The following TRIP4 variants were observed in gnomAD, a reference collection of about 807,000 sequenced individuals.
TRIP4 encodes activating signal cointegrator 1.
A neutral mutation model predicts 81.8 loss-of-function variants in TRIP4; 54 were observed. The ratio of observed to expected loss-of-function variants is 0.66; its 90% CI spans 0.53 to 0.83. The LOEUF (loss-of-function observed/expected upper bound fraction) is 0.83, where lower values mean the gene tolerates loss of function less well. Ranked by LOEUF, TRIP4 falls within the 40% of genes least tolerant of loss-of-function variation. The probability of loss-of-function intolerance (pLI) is 0.00; values close to 1 mark genes in which losing one functional copy is unlikely to be tolerated. For synonymous variants in TRIP4, 270 were observed against 242.8 expected (o/e 1.11, Z -1.04); for missense variants, 662 against 683.6 (o/e 0.97, Z 0.35).
intron 9 of TRIP4, among the ~76,000 whole-genome samples, chr15:64,419,240 C>T (rs1891953584): frequency 6.6e-6 from 1 of 152,158 alleles, no homozygotes; most frequent in South Asian, 2.1e-4. Context: ...AAATGCTTTT[C>T]TACAAAAGTA....
intron 4 of TRIP4, among the ~76,000 whole-genome samples, chr15:64,398,599 G>A (rs1900364404): frequency 1.3e-5 from 2 of 152,016 alleles, no homozygotes; most frequent in Admixed American, 6.6e-5. Context: ...AGAACCCCAG[G>A]TTATATCCTA....
intron 8 of TRIP4, among the ~76,000 whole-genome samples, chr15:64,416,691 T>C (rs541317285): frequency 6.6e-6 from 1 of 152,344 alleles, no homozygotes; most frequent in South Asian, 2.1e-4. Context: ...TGAATAGTTA[T>C]TTATGTGTCT....
chr15:64,409,693 G>A lies in TRIP4; in HGVS notation c.908G>A (p.Arg303Gln), dbSNP rs748995821. 4.5e-5 allele frequency: 73 copies of A among 1,614,010 alleles called. No individual in the cohort carries two copies. The highest frequency in any genetic ancestry group is 1.8e-4 in the Admixed American group (11 of 59,988). The change falls in exon 7 of 13, where the codon CGG becomes CAG. Residue 303 changes from arginine (R) to glutamine (Q), a missense_variant. By Grantham distance (43) the Arg-to-Gln change is conservative. Transcript: ENST00000261884. ...DSNQWLSKLE[R>Q]ETLQKREEEL... ...AACCAATGGTTGTCCAAACTTGAGC[G>A]GGAAACCTTGCAGAAGCGAGAGGAG...
intron 6 of TRIP4, among the ~76,000 whole-genome samples, chr15:64,409,105 G>A (rs898789339): frequency 3.9e-5 from 6 of 151,932 alleles, no homozygotes; most frequent in Admixed American, 2.6e-4. Flanking sequence ...CAGCTACTCA[G>A]GTGGCTGAGG....
intron 3 of TRIP4, among the ~76,000 whole-genome samples, chr15:64,396,131 G>A (rs1976711): frequency 0.83 from 126,806 of 151,934 alleles, 55,200 homozygotes; most frequent in East Asian, 0.96. Context: ...CTGGTCTTGA[G>A]CTGCTGAGCT....
rs770948919 is a variant in TRIP4, at chr15:64,414,157, T to G, written c.1116T>G (p.Ser372=). 6.2e-7 allele frequency: 1 copy of G among 1,614,180 alleles called. No individual in the cohort carries two copies. Among genetic ancestry groups the G allele is most frequent in the East Asian group, 2.2e-5 (1 of 44,880 alleles). The change falls in exon 8 of 13, where the codon TCT becomes TCG. Residue 372 remains serine (S), a synonymous_variant. Transcript: ENST00000261884. ...CACTGACCAAATTGGATAGATCTTC[T>G]GAAGAGCCTTTGGGAGTTCTGGTAA... The part of the protein sequence containing the change: ...NQPLTKLDRS[S]EEPLGVLVNP...
rs372807275 is a variant in TRIP4, at chr15:64,409,813, C to A, written c.1028C>A (p.Ala343Glu). Reference sequence around the variant, plus strand: ...ATCCTGGAAGAAGAAAATTCACTAGCAGAGTATCATAGCAGGTAAGTGAGC... The same window carrying A: ...ATCCTGGAAGAAGAAAATTCACTAGAAGAGTATCATAGCAGGTAAGTGAGC... ...RKILEEENSL[A>E]EYHSRLDETI... The change falls in exon 7 of 13, where the codon GCA becomes GAA. Residue 343 changes from alanine (A) to glutamate (E), a missense_variant. Ala to Glu is a moderately radical substitution (Grantham distance 107, BLOSUM62 -1). Coordinates refer to ENST00000261884, the MANE Select transcript of TRIP4 (RefSeq NM_016213.5). 5 of 1,613,870 alleles carry A rather than the reference C, an allele frequency of 3.1e-6. No individual in the cohort carries two copies. Among genetic ancestry groups the A allele is most frequent in the Non-Finnish European group, 4.2e-6 (5 of 1,179,988 alleles).
intron 2 of TRIP4, 129 bp from the exon 3 acceptor site, chr15:64,395,269 A>T (rs1900254430): frequency 1.3e-6 from 1 of 751,076 alleles, no homozygotes; most frequent in Non-Finnish European, 1.9e-6. Context: ...AAAGATAATT[A>T]AAAATCTTCC....
At chr15:64,399,815 A>G (rs1307708723) in intron 4 of TRIP4, among the ~76,000 whole-genome samples, 1 of 151,570 alleles carries the variant, frequency 6.6e-6, no homozygotes, top group Non-Finnish European at 1.5e-5. Context: ...TTTGTTTTTT[A>G]GACAGAGTCT....
At chr15:64,391,615 A>C (rs1417226592) in intron 1 of TRIP4, among the ~76,000 whole-genome samples, 1 of 152,066 alleles carries the variant, frequency 6.6e-6, no homozygotes, top group Non-Finnish European at 1.5e-5. Context: ...TACCTTGTTA[A>C]GTAGTTAAAA....
At chr15:64,430,528 G>C (rs1892246122) in intron 11 of TRIP4, among the ~76,000 whole-genome samples, 1 of 152,008 alleles carries the variant, frequency 6.6e-6, no homozygotes, top group Non-Finnish European at 1.5e-5. Context: ...AAGACATTTT[G>C]ATTGCCAAAT....
chr15:64,389,500 G>C (rs1596332108), intron 1 of TRIP4, among the ~76,000 whole-genome samples: 1 of 151,952 alleles, frequency 6.6e-6, no homozygotes, highest in East Asian at 1.9e-4. Flanking sequence ...CAAGATAAAG[G>C]ATTTTTTTTA....
At chr15:64,390,712 G>T (rs1900101220) in intron 1 of TRIP4, among the ~76,000 whole-genome samples, 1 of 151,848 alleles carries the variant, frequency 6.6e-6, no homozygotes, top group Non-Finnish European at 1.5e-5. Context: ...CCAACATGGT[G>T]AAACCCCGTC....
chr15:64,426,831 T>G (rs764668935), intron 11 of TRIP4, among the ~76,000 whole-genome samples: 2 of 151,438 alleles, frequency 1.3e-5, no homozygotes, highest in Admixed American at 6.6e-5. Flanking sequence ...AAACCCCATC[T>G]CTATAAAAAT....
intron 11 of TRIP4, among the ~76,000 whole-genome samples, chr15:64,436,061 G>A (rs758921866): frequency 7.9e-5 from 12 of 151,982 alleles, no homozygotes; most frequent in South Asian, 2.1e-4. Flanking sequence ...TTGGGAGGCC[G>A]ACGCATTTGG....
intron 12 of TRIP4, among the ~76,000 whole-genome samples, chr15:64,453,046 C>T (rs954290847): frequency 3.9e-5 from 6 of 152,138 alleles, no homozygotes; most frequent in East Asian, 1.9e-4. Flanking sequence ...ATTAGCTGGG[C>T]GTGATGGCAC....
chr15:64,405,844 A>T (rs113663008), intron 5 of TRIP4, among the ~76,000 whole-genome samples: 186 of 152,272 alleles, frequency 1.2e-3, no homozygotes, highest in Non-Finnish European at 2.2e-3. Flanking sequence ...AAAATTTAAA[A>T]ATTCAGACAC....
At position 64,393,959 on chromosome 15, in the gene TRIP4, A is replaced by T; in HGVS notation, c.115A>T (p.Ile39Phe). Residue 39 changes from isoleucine to phenylalanine, a missense_variant, in exon 2 of 13, where the codon ATT (isoleucine) becomes TTT (phenylalanine). Transcript: ENST00000261884. ...SEEIIQYVLSIESAEEIREYV... is the reference protein window; with the variant it reads ...SEEIIQYVLSFESAEEIREYV... ...TTGCCTCCTGAGGTACGTTTTGTCAATTGAGAGTGCTGAAGAGATACGAGA... is the reference window on the plus strand; with the variant it reads ...TTGCCTCCTGAGGTACGTTTTGTCATTTGAGAGTGCTGAAGAGATACGAGA... The T allele has an allele frequency of 6.3e-7, 1 of 1,588,058 alleles. No individual in the cohort carries two copies. The highest frequency in any genetic ancestry group is 1.2e-5 in the South Asian group (1 of 85,930).
chr15:64,426,421 C>T (rs1892145962), intron 11 of TRIP4, among the ~76,000 whole-genome samples: 1 of 152,046 alleles, frequency 6.6e-6, no homozygotes, highest in Middle Eastern at 3.2e-3. Flanking sequence ...ACTGACAGGT[C>T]GGGCGCAGTG....
Sources: allele counts gnomAD v4.1 joint callset (sites outside exome capture counted in the v4.1 genomes callset), GRCh38; gene constraint gnomAD v4.1.1; transcripts MANE v1.5; gene names NCBI Gene and HGNC (gene_info 2026-07-23, HGNC 2026-07-21).